Variants in ZNF407 observed in about 807,000 individuals in gnomAD.
The protein encoded by ZNF407 is zinc finger protein 407.
Under a neutral mutation model 131.2 loss-of-function variants are expected in ZNF407, and 17 were observed. The observed-to-expected ratio is 0.13, with a 90% CI of 0.09 to 0.19. The LOEUF (loss-of-function observed/expected upper bound fraction) is 0.19. Ranked by LOEUF, ZNF407 falls within the 10% of genes least tolerant of loss-of-function variation. The pLI, the probability that ZNF407 is intolerant of heterozygous loss-of-function variation, is 1.00. For missense variants in ZNF407, 2,681 were observed against 2,830.6 expected, an observed-to-expected ratio of 0.95 and a Z score of 1.20; for synonymous variants, 1,156 against 1,062.0, an observed-to-expected ratio of 1.09 and a Z score of -1.72.
intron 3 of ZNF407, among the ~76,000 whole-genome samples, chr18:74,746,317 C>G (rs1968667674): frequency 1.3e-5 from 2 of 152,118 alleles, no homozygotes; most frequent in African/African-American, 4.8e-5. Flanking sequence ...CTGTACACTA[C>G]TGTAGATTTT....
At chr18:74,764,297 TTG>T (rs1278454508) in intron 3 of ZNF407, among the ~76,000 whole-genome samples, 1 of 152,224 alleles carries the variant, frequency 6.6e-6, no homozygotes, top group Non-Finnish European at 1.5e-5. Context: ...TGTGCTTTTT[TTG>T]TGTGTGTTTT....
chr18:74,680,513 T>C (rs1966958549), intron 3 of ZNF407, among the ~76,000 whole-genome samples: 1 of 152,162 alleles, frequency 6.6e-6, no homozygotes, highest in Non-Finnish European at 1.5e-5. Flanking sequence ...CACAAAGTTT[T>C]AGTGGTTATA....
chr18:75,054,053 A>G (rs543178412), intron 8 of ZNF407, among the ~76,000 whole-genome samples: 84 of 152,358 alleles, frequency 5.5e-4, no homozygotes, highest in African/African-American at 1.9e-3. Flanking sequence ...CCGAGTTGCT[A>G]TCCACAGGGT....
intron 3 of ZNF407, among the ~76,000 whole-genome samples, chr18:74,753,512 T>C (rs1968855699): frequency 6.6e-6 from 1 of 152,220 alleles, no homozygotes; most frequent in African/African-American, 2.4e-5. Context: ...ATAGCTCTTA[T>C]TATTTGGGAG....
intron 8 of ZNF407, among the ~76,000 whole-genome samples, chr18:75,016,820 C>T (rs977445138): frequency 3.9e-5 from 6 of 152,026 alleles, no homozygotes; most frequent in African/African-American, 1.2e-4. Context: ...CTATTAATAC[C>T]TCTATATTTA....
chr18:75,005,696 GCCACCCCCC>G (rs1411382252), intron 8 of ZNF407, among the ~76,000 whole-genome samples: 2 of 56,020 alleles, frequency 3.6e-5, no homozygotes, highest in Non-Finnish European at 7.5e-5. Flanking sequence ...TGTCATCCCC[GCCACCCCCC>G]CCACCCACCC....
chr18:74,945,163 C>A (rs1972141317), intron 8 of ZNF407, among the ~76,000 whole-genome samples: 1 of 152,064 alleles, frequency 6.6e-6, no homozygotes. Context: ...ATCTTTAAGA[C>A]CCTGGACTTG....
Position 74,874,153 on chromosome 18 carries a change from A to T in ZNF407, c.4878-3044A>T, listed in dbSNP as rs189507942. Among the ~76,000 whole-genome samples the T allele has an allele frequency of 1.7e-3, 255 of 152,210 alleles. 1 individual carries two copies. Among genetic ancestry groups the T allele is most frequent in the Non-Finnish European group, 2.6e-4 (18 of 68,024 alleles). The stretch of plus-strand genomic sequence containing the variant: ...AGAACTGCAGATGGTATTGAAGCCC[A>T]GCTCTCTCTTCTGGGCTTCAATTTT... On this transcript the variant is annotated intron_variant, in intron 4 of 8. Transcript: ENST00000299687.
intron 7 of ZNF407, among the ~76,000 whole-genome samples, chr18:74,898,839 T>C (rs1282731940): frequency 6.6e-6 from 1 of 152,244 alleles, no homozygotes; most frequent in East Asian, 1.9e-4. Context: ...TCAAATTTTG[T>C]GCTTAAATAT....
chr18:74,650,783 T>C (rs1307247759), intron 3 of ZNF407, among the ~76,000 whole-genome samples: 1 of 152,190 alleles, frequency 6.6e-6, no homozygotes, highest in African/African-American at 2.4e-5. Context: ...AAAAATTTAC[T>C]GGCTTTATAG....
At chr18:74,717,259 T>C (rs1411473372) in intron 3 of ZNF407, among the ~76,000 whole-genome samples, 2 of 152,164 alleles carry the variant, frequency 1.3e-5, no homozygotes, top group Non-Finnish European at 2.9e-5. Flanking sequence ...CAAGTCCTGT[T>C]AAGGAGGAGG....
intron 8 of ZNF407, among the ~76,000 whole-genome samples, chr18:75,022,323 A>G (rs941687098): frequency 1.3e-5 from 2 of 152,096 alleles, no homozygotes; most frequent in Admixed American, 6.5e-5. Context: ...TGAGAGAACT[A>G]TTTTCACAGT....
chr18:75,051,424 T>C (rs2122265257), intron 8 of ZNF407, among the ~76,000 whole-genome samples: 1 of 152,318 alleles, frequency 6.6e-6, no homozygotes, highest in South Asian at 2.1e-4. Context: ...GGGTATTTAT[T>C]CTTCTAATTA....
intron 3 of ZNF407, among the ~76,000 whole-genome samples, chr18:74,757,892 G>A (rs1012514064): frequency 3.3e-5 from 5 of 151,788 alleles, no homozygotes; most frequent in Non-Finnish European, 7.4e-5. Flanking sequence ...CCGTTTTTTG[G>A]CTTCTAGTAA....
In ZNF407 at chr18:75,019,777, C is replaced by A. The variant is rs1173280254; in HGVS notation, c.5429-43373C>A. ...GGCTGGGGAGGCCTCAGGAAACTTA[C>A]AATCATGGTGAAAAGGCAAAGGGGA... On this transcript the variant is annotated intron_variant, in intron 8 of 8. Transcript: ENST00000299687. Among the ~76,000 whole-genome samples the A allele has an allele frequency of 2.6e-5, 4 of 152,156 alleles. No homozygotes were observed. In the East Asian group the frequency reaches 5.8e-4, roughly 22 times the overall value.
rs777370703 is a variant in ZNF407 at position 74,634,016 on chromosome 18, C to T, written c.2997C>T (p.Phe999=). Residue 999 remains phenylalanine (F), a synonymous_variant, in exon 2 of 9, where the codon TTC becomes TTT. Coordinates refer to ENST00000299687, the MANE Select transcript of ZNF407 (RefSeq NM_017757.3). ...AAATATCTTCAGAGCCAGAGGACTT[C>T]GCCCAGCCGGGGGATGTGTACTCCC... The part of the protein sequence containing the change: ...KEQISSEPED[F]AQPGDVYSQR... 35 of 1,614,006 alleles carry T rather than the reference C, an allele frequency of 2.2e-5. No individual in the cohort carries two copies. The highest frequency in any genetic ancestry group is 2.8e-5 in the Non-Finnish European group (33 of 1,179,898).
chr18:74,642,476 C>G (rs1025226193), intron 3 of ZNF407, among the ~76,000 whole-genome samples: 2 of 152,112 alleles, frequency 1.3e-5, no homozygotes, highest in Non-Finnish European at 2.9e-5. Flanking sequence ...TCTCTCATTT[C>G]TGAGAAGTAA....
At chr18:74,882,346 G>GA (rs1346889150) in intron 6 of ZNF407, among the ~76,000 whole-genome samples, 1 of 152,158 alleles carries the variant, frequency 6.6e-6, no homozygotes, top group East Asian at 1.9e-4. Flanking sequence ...TAAGTCACTT[G>GA]ATGACAAAAT....
chr18:74,965,043 G>C (rs187944041), intron 8 of ZNF407, among the ~76,000 whole-genome samples: 3 of 152,072 alleles, frequency 2.0e-5, no homozygotes, highest in Non-Finnish European at 4.4e-5. Flanking sequence ...TTTAATTTTT[G>C]TGAGTACATA....
Sources: allele counts gnomAD v4.1 joint callset (sites outside exome capture counted in the v4.1 genomes callset), GRCh38; gene constraint gnomAD v4.1.1; transcripts MANE v1.5; gene names NCBI Gene and HGNC (gene_info 2026-07-23, HGNC 2026-07-21).